The following C12orf42 variants were observed in gnomAD, a reference collection of about 807,000 sequenced individuals.
C12orf42 encodes the protein uncharacterized protein C12orf42.
A neutral mutation model predicts 21.6 loss-of-function variants in C12orf42; 25 were observed. The observed-to-expected ratio is 1.16, with a 90% CI of 0.84 to 1.62. The LOEUF (loss-of-function observed/expected upper bound fraction) is 1.62, where lower values mean the gene tolerates loss of function less well. C12orf42 is among the 40% of genes most tolerant of loss of function. The pLI is 0.00. For missense variants in C12orf42, 483 were observed against 459.3 expected, an observed-to-expected ratio of 1.05 and a Z score of -0.47; for synonymous variants, 174 against 175.0, an observed-to-expected ratio of 0.99 and a Z score of 0.05.
Position 103,311,428 on chromosome 12 carries a change from C to T in C12orf42, c.260-5083G>A, listed in dbSNP as rs118188031. Among the ~76,000 whole-genome samples the T allele has an allele frequency of 2.1e-3, 312 of 152,048 alleles. 3 individuals carry two copies. The highest frequency in any genetic ancestry group is 3.6e-3 in the Non-Finnish European group (246 of 68,008). On this transcript the variant is annotated intron_variant, in intron 4 of 5. Coordinates refer to ENST00000548883, the MANE Select transcript of C12orf42 (RefSeq NM_198521.5). ...TTATTGCAAAATGAACTTCAGCAAA[C>T]CAGAACCTTCTAGTGTCTCAGATCC...
intron 4 of C12orf42, among the ~76,000 whole-genome samples, chr12:103,361,838 C>T (rs2044141945): frequency 6.6e-6 from 1 of 152,068 alleles, no homozygotes. Context: ...TCCCCCACAG[C>T]AGCTGCAGAA....
chr12:103,238,074 G>C (rs2033536296), intron 10 of C12orf42, among the ~76,000 whole-genome samples: 1 of 152,178 alleles, frequency 6.6e-6, no homozygotes, highest in Non-Finnish European at 1.5e-5. Context: ...CCCTAGAGTA[G>C]AGTATGGAGG....
chr12:103,154,904 C>T, the C12orf42 span, among the ~76,000 whole-genome samples: 1 of 152,162 alleles, frequency 6.6e-6, no homozygotes, highest in East Asian at 1.9e-4. Context: ...TTTGGCTCTA[C>T]TTTACATTTC....
chr12:103,336,308 T>G (rs1384480054), intron 4 of C12orf42, among the ~76,000 whole-genome samples: 2 of 152,228 alleles, frequency 1.3e-5, no homozygotes, highest in Admixed American at 6.5e-5. Flanking sequence ...ATAGGCTTCA[T>G]TTTTCATCAG....
intron 3 of C12orf42, among the ~76,000 whole-genome samples, chr12:103,391,951 A>G (rs1366703567): frequency 2.0e-5 from 3 of 152,150 alleles, no homozygotes; most frequent in Non-Finnish European, 4.4e-5. Flanking sequence ...TGAATTTTAT[A>G]GCTTTAGCTC....
the C12orf42 span, among the ~76,000 whole-genome samples, chr12:103,203,314 T>G: frequency 6.6e-6 from 1 of 152,218 alleles, no homozygotes; most frequent in Non-Finnish European, 1.5e-5. Flanking sequence ...ATTTTTGTCA[T>G]AGTTCCTTTA....
At chr12:103,523,191 T>C in the C12orf42 span, among the ~76,000 whole-genome samples, 4 of 152,228 alleles carry the variant, frequency 2.6e-5, no homozygotes, top group African/African-American at 4.8e-5. Flanking sequence ...TAGGTCCCAG[T>C]CACTTGGCGG....
chr12:103,555,499 T>C, the C12orf42 span, among the ~76,000 whole-genome samples: 3 of 152,112 alleles, frequency 2.0e-5, no homozygotes, highest in Non-Finnish European at 4.4e-5. Context: ...ACCATATCAG[T>C]AGGTCTATAT....
chr12:103,275,276 G>A (rs1459787532), intron 5 of C12orf42, among the ~76,000 whole-genome samples: 2 of 152,014 alleles, frequency 1.3e-5, no homozygotes, highest in Non-Finnish European at 2.9e-5. Context: ...GTAAAAAATT[G>A]TATACAGATG....
At chr12:103,239,405 C>G (rs2136162322) in intron 10 of C12orf42, among the ~76,000 whole-genome samples, 1 of 152,264 alleles carries the variant, frequency 6.6e-6, no homozygotes, top group Middle Eastern at 3.4e-3. Flanking sequence ...CTGCACCACT[C>G]TCAGGATGTC....
chr12:103,232,094 C>T, the C12orf42 span, among the ~76,000 whole-genome samples: 1 of 152,138 alleles, frequency 6.6e-6, no homozygotes, highest in African/African-American at 2.4e-5. Context: ...CATTTGCCAC[C>T]TAGATATCTT....
intron 5 of C12orf42, among the ~76,000 whole-genome samples, chr12:103,273,623 T>C (rs2136273952): frequency 6.6e-6 from 1 of 152,254 alleles, no homozygotes; most frequent in Non-Finnish European, 1.5e-5. Context: ...ATGTCAACTT[T>C]ACTAATATAC....
chr12:103,073,397 G>A, the C12orf42 span, among the ~76,000 whole-genome samples: 1 of 152,072 alleles, frequency 6.6e-6, no homozygotes, highest in Non-Finnish European at 1.5e-5. Flanking sequence ...GTCAACAAAT[G>A]GCAGCTATTT....
the C12orf42 span, among the ~76,000 whole-genome samples, chr12:103,561,568 C>T: frequency 6.6e-6 from 1 of 152,148 alleles, no homozygotes; most frequent in Non-Finnish European, 1.5e-5. Context: ...ACCTAATCAC[C>T]TCCCAAAGAC....
the C12orf42 span, among the ~76,000 whole-genome samples, chr12:103,148,037 G>C: frequency 6.6e-6 from 1 of 152,056 alleles, no homozygotes; most frequent in Admixed American, 6.6e-5. Flanking sequence ...ATTTTAGAAG[G>C]ACAAGTACAG....
chr12:103,070,643 T>C, the C12orf42 span, among the ~76,000 whole-genome samples: 1,795 of 152,050 alleles, frequency 0.012, 42 homozygotes, highest in African/African-American at 0.041. Flanking sequence ...CGACCACAAA[T>C]TGTTCTATGT....
chr12:103,435,410 T>C (rs1045948798), intron 2 of C12orf42, among the ~76,000 whole-genome samples: 1 of 152,200 alleles, frequency 6.6e-6, no homozygotes, highest in Non-Finnish European at 1.5e-5. Context: ...AGAATGACTT[T>C]GATGAGCTGA....
chr12:103,266,067 A>G (rs1267453395), downstream of C12orf42, among the ~76,000 whole-genome samples: 1 of 152,148 alleles, frequency 6.6e-6, no homozygotes, highest in Non-Finnish European at 1.5e-5. Flanking sequence ...CACCTGAGGT[A>G]CTGTTTATGC....
chr12:103,536,043 A>G, the C12orf42 span, among the ~76,000 whole-genome samples: 729 of 152,264 alleles, frequency 4.8e-3, 6 homozygotes, highest in Middle Eastern at 6.8e-3. Flanking sequence ...GACCTCCCAA[A>G]GTGCTAGGAT....
Sources: allele counts gnomAD v4.1 joint callset (sites outside exome capture counted in the v4.1 genomes callset), GRCh38; gene constraint gnomAD v4.1.1; transcripts MANE v1.5; gene names NCBI Gene and HGNC (gene_info 2026-07-23, HGNC 2026-07-21).